Variants in EIF2AK4 observed in about 807,000 individuals in gnomAD.
EIF2AK4 encodes the protein eIF-2-alpha kinase GCN2.
In EIF2AK4, 139 loss-of-function variants were observed where a neutral mutation model predicts 211.1. The observed-to-expected ratio is 0.66, with a 90% CI of 0.57 to 0.76. The LOEUF is 0.76. Among genes scored for constraint, EIF2AK4 ranks in the 30% least tolerant of loss-of-function variants. The pLI is 0.00. For missense variants in EIF2AK4, 1,664 were observed against 2,043.8 expected, an observed-to-expected ratio of 0.81 and a Z score of 3.58; for synonymous variants, 710 against 751.3, an observed-to-expected ratio of 0.94 and a Z score of 0.90.
intron 11 of EIF2AK4, chr15:39,974,858 G>C (rs2034672861): frequency 6.6e-6 from 1 of 152,236 alleles, no homozygotes; most frequent in African/African-American, 2.4e-5. Flanking sequence ...GAGTAGGGCA[G>C]CCTGCCCAGT....
intron 6 of EIF2AK4, 102 bp from the exon 7 acceptor site, chr15:39,961,682 G>A (rs768707651): frequency 4.9e-5 from 41 of 839,368 alleles, no homozygotes; most frequent in Non-Finnish European, 6.6e-5. Context: ...AGAAAATGGA[G>A]GGGCATTCTT....
intron 30 of EIF2AK4, 55 bp downstream of exon 30, chr15:40,019,255 G>C: frequency 7.2e-7 from 1 of 1,389,666 alleles, no homozygotes; most frequent in Non-Finnish European, 9.7e-7. Flanking sequence ...ATTTCTAAAA[G>C]TATGATTTGC....
chr15:39,973,858 A>T, intron 11 of EIF2AK4, 109 bp downstream of exon 11: 1 of 1,272,258 alleles, frequency 7.9e-7, no homozygotes. Context: ...GGAAGTGAAT[A>T]TGGCTGTTGG....
chr15:39,975,140 A>G (rs2034676104), intron 11 of EIF2AK4: 1 of 152,196 alleles, frequency 6.6e-6, no homozygotes. Flanking sequence ...CAGGTGATTT[A>G]CAAACCTTGT....
chr15:40,029,445 G>T lies in EIF2AK4; in HGVS notation c.4542G>T (p.Gly1514=). Residue 1514 remains glycine, a synonymous_variant, in exon 34 of 39, where the codon GGG becomes GGT. Transcript: ENST00000263791. Reference sequence around the variant, plus strand: ...ATCTTGCAGTGCAAAATCTGAAGGGGTCATTTTCTAATGCTTCAGGTATAA... The same window carrying T: ...ATCTTGCAGTGCAAAATCTGAAGGGTTCATTTTCTAATGCTTCAGGTATAA... ...SDNLAVQNLK[G]SFSNASGLFE... 1 of 1,613,038 alleles carries T rather than the reference G, an allele frequency of 6.2e-7. No homozygotes were observed. Among genetic ancestry groups the T allele is most frequent in the Non-Finnish European group, 8.5e-7 (1 of 1,179,774 alleles).
At position 40,034,377 on chromosome 15, in the gene EIF2AK4, C is replaced by A. The variant is rs775295979; in HGVS notation, c.4825C>A (p.Arg1609Ser). 6.2e-7 allele frequency: 1 copy of A among 1,614,044 alleles called. No individual in the cohort carries two copies. Among genetic ancestry groups the A allele is most frequent in the Non-Finnish European group, 8.5e-7 (1 of 1,179,976 alleles). ...FNTTVKQLLS[R>S]LPKQRYLKLV... Reference sequence around the variant, plus strand: ...CACAACTGTGAAGCAGCTGCTGTCACGCCTGCCAAAGCAAAGATACCTCAA... The same window carrying A: ...CACAACTGTGAAGCAGCTGCTGTCAAGCCTGCCAAAGCAAAGATACCTCAA... Residue 1609 changes from arginine (R) to serine (S), a missense_variant, in exon 38 of 39, where the codon CGC becomes AGC. Physicochemically the swap from Arg to Ser is moderately radical, Grantham distance 110. Coordinates refer to ENST00000263791, the MANE Select transcript of EIF2AK4 (RefSeq NM_001013703.4).
chr15:40,011,382 CTG>C (rs1567004406), intron 27 of EIF2AK4, 36 bp downstream of exon 27: 1 of 1,558,888 alleles, frequency 6.4e-7, no homozygotes, highest in Admixed American at 1.8e-5. Context: ...ACAGCTTTCT[CTG>C]TAATTTTGTG....
At chr15:40,014,631 G>A (rs1378009516) in intron 27 of EIF2AK4, among the ~76,000 whole-genome samples, 3 of 152,376 alleles carry the variant, frequency 2.0e-5, no homozygotes, top group East Asian at 1.9e-4. Flanking sequence ...CTCCAGGCCT[G>A]TGATGGGAGG....
In EIF2AK4 at chr15:39,995,428, A is replaced by C. The variant is rs1411555263; in HGVS notation, c.2767-1536A>C. Among the ~76,000 whole-genome samples, 4 of 145,660 alleles carry C rather than the reference A, an allele frequency of 2.7e-5. No individual in the cohort carries two copies. The East Asian group carries it at 7.7e-4, about 28-fold the overall frequency. Reference sequence around the variant, plus strand: ...TCCTGAAAGCGGCTCTACACCCTGCACCTCTGTGCCCCTGACCATGTGCAG... The same window carrying C: ...TCCTGAAAGCGGCTCTACACCCTGCCCCTCTGTGCCCCTGACCATGTGCAG... On this transcript the variant is annotated intron_variant, in intron 18 of 38. Transcript: ENST00000263791.
intron 3 of EIF2AK4, among the ~76,000 whole-genome samples, chr15:39,947,285 G>A (rs1448211878): frequency 1.3e-5 from 2 of 152,028 alleles, no homozygotes; most frequent in African/African-American, 4.8e-5. Flanking sequence ...CATGGCATAG[G>A]GATTCATCTT....
intron 9 of EIF2AK4, among the ~76,000 whole-genome samples, chr15:39,969,403 C>T (rs1452259728): frequency 1.4e-5 from 2 of 146,272 alleles, no homozygotes; most frequent in East Asian, 4.0e-4. Flanking sequence ...CTGTGTCGCC[C>T]AGGCTGGAGT....
At chr15:40,015,748 T>A (rs565041178) in intron 27 of EIF2AK4, among the ~76,000 whole-genome samples, 2 of 152,354 alleles carry the variant, frequency 1.3e-5, no homozygotes, top group African/African-American at 2.4e-5. Flanking sequence ...CATGTGCCAA[T>A]TTATGGATGA....
intron 29 of EIF2AK4, 130 bp downstream of exon 29, chr15:40,017,372 G>T: frequency 2.9e-6 from 3 of 1,040,102 alleles, no homozygotes; most frequent in Non-Finnish European, 2.7e-6. Context: ...ATTAATATAT[G>T]TTTCATCTAG....
chr15:40,024,445 G>A (rs1434044310), intron 32 of EIF2AK4, among the ~76,000 whole-genome samples: 4 of 112,730 alleles, frequency 3.5e-5, no homozygotes, highest in South Asian at 2.8e-4. Flanking sequence ...TTCTTGCTCT[G>A]TCACGCAGGC....
Position 39,985,816 on chromosome 15 carries a change from C to T in EIF2AK4, c.2331C>T (p.Cys777=), listed in dbSNP as rs751745858. 2 of 1,614,006 alleles carry T rather than the reference C, an allele frequency of 1.2e-6. No homozygotes were observed. The highest frequency in any genetic ancestry group is 2.2e-5 in the South Asian group (2 of 91,046). Residue 777 remains cysteine (C), a synonymous_variant, in exon 14 of 39, where the codon TGC becomes TGT. Coordinates refer to ENST00000263791, the MANE Select transcript of EIF2AK4 (RefSeq NM_001013703.4). Reference sequence around the variant, plus strand: ...TCGTCTTGGGTTAGGATGAAGATTGCAATGAAAAGAATGGCTGCCATGAAA... The same window carrying T: ...TCGTCTTGGGTTAGGATGAAGATTGTAATGAAAAGAATGGCTGCCATGAAA... The part of the protein sequence containing the change: ...NSKSQNQDED[C]NEKNGCHESE...
chr15:40,011,392 G>T lies in EIF2AK4; in HGVS notation c.3759+46G>T, dbSNP rs780628107. 3.3e-6 allele frequency: 5 copies of T among 1,509,874 alleles called. No homozygotes were observed. The Admixed American group carries it at 5.4e-5, about 16-fold the overall frequency. The allele number at this position is 1,509,874 out of a possible 1,614,324, so 93.5% of individuals were successfully genotyped here. On this transcript the variant is annotated intron_variant, in intron 27 of 38. Coordinates refer to ENST00000263791, the MANE Select transcript of EIF2AK4 (RefSeq NM_001013703.4). The stretch of plus-strand genomic sequence containing the variant: ...TTATTACAGCTTTCTCTGTAATTTT[G>T]TGATACCAGAAAATGTCATCAAATT...
chr15:40,016,706 G>A, intron 28 of EIF2AK4, 34 bp downstream of exon 28: 1 of 1,605,296 alleles, frequency 6.2e-7, no homozygotes, highest in East Asian at 2.2e-5. Flanking sequence ...CAGTACAAAT[G>A]TGTAGCATTA....
In EIF2AK4 at chr15:39,976,659, C is replaced by CGACA; in HGVS notation, c.2065_2068dup (p.Thr690ArgfsTer45). ...GAGCTGCACGCGGGCAGCCGGCGAGCGACACAGACGGCCTGGACAGCGTAG... is the reference window on the plus strand; with the variant it reads ...GAGCTGCACGCGGGCAGCCGGCGAGCGACAGACACAGACGGCCTGGACAGCGTAG... On this transcript the variant is annotated frameshift_variant, in exon 12 of 39. Transcript: ENST00000263791. LOFTEE classifies it high-confidence loss of function. The CGACA allele has an allele frequency of 6.2e-7, 1 of 1,603,718 alleles. No homozygotes were observed.
intron 37 of EIF2AK4, among the ~76,000 whole-genome samples, chr15:40,033,808 C>T (rs2035575631): frequency 1.3e-5 from 2 of 152,138 alleles, no homozygotes; most frequent in African/African-American, 2.4e-5. Context: ...GGGTGGATCA[C>T]CTGAGGTCTG....
Sources: allele counts gnomAD v4.1 joint callset (sites outside exome capture counted in the v4.1 genomes callset), GRCh38; gene constraint gnomAD v4.1.1; transcripts MANE v1.5; gene names NCBI Gene and HGNC (gene_info 2026-07-23, HGNC 2026-07-21).